The following PRKCA variants were observed in gnomAD, a reference collection of about 807,000 sequenced individuals.
PRKCA encodes the protein protein kinase C alpha type.
PRKCA carries 27 observed loss-of-function variants against 87.0 expected under a neutral mutation model. That is an observed-to-expected ratio of 0.31 (90% CI 0.23 to 0.43). The LOEUF (loss-of-function observed/expected upper bound fraction) is 0.43, where lower values mean the gene tolerates loss of function less well. Among genes scored for constraint, PRKCA ranks in the 20% least tolerant of loss-of-function variants. The pLI is 1.00. For synonymous variants in PRKCA, 329 were observed against 311.1 expected, an observed-to-expected ratio of 1.06 and a Z score of -0.61; for missense variants, 518 against 852.3, an observed-to-expected ratio of 0.61 and a Z score of 4.88.
intron 2 of PRKCA, among the ~76,000 whole-genome samples, chr17:66,351,124 C>T (rs1907718309): frequency 6.6e-6 from 1 of 152,200 alleles, no homozygotes; most frequent in Admixed American, 6.5e-5. Flanking sequence ...TCGTGTGGTG[C>T]TGAGCTTGGT....
intron 3 of PRKCA, among the ~76,000 whole-genome samples, chr17:66,516,337 G>GA (rs1277643764): frequency 6.6e-6 from 1 of 151,954 alleles, no homozygotes; most frequent in Non-Finnish European, 1.5e-5. Flanking sequence ...TGTTCAGTGT[G>GA]AAAAAAAGAA....
chr17:66,467,771 T>C (rs143471878), intron 2 of PRKCA, among the ~76,000 whole-genome samples: 4,676 of 152,070 alleles, frequency 0.031, 240 homozygotes, highest in African/African-American at 0.11. Flanking sequence ...TTGCTCAGGC[T>C]TGTCTTGAAC....
chr17:66,675,016 G>A (rs1163789293), intron 5 of PRKCA, among the ~76,000 whole-genome samples: 1 of 152,216 alleles, frequency 6.6e-6, no homozygotes, highest in Non-Finnish European at 1.5e-5. Flanking sequence ...CCTATCCAAA[G>A]GCAGATCCCA....
intron 2 of PRKCA, among the ~76,000 whole-genome samples, chr17:66,461,465 G>T (rs1076427): frequency 0.014 from 2,120 of 152,142 alleles, 55 homozygotes; most frequent in African/African-American, 0.049. Context: ...GAGTTGTGGT[G>T]AACAGTTTCA....
chr17:66,710,813 C>T (rs1025730315), intron 8 of PRKCA, among the ~76,000 whole-genome samples: 4 of 151,620 alleles, frequency 2.6e-5, no homozygotes, highest in African/African-American at 7.3e-5. Context: ...GTGGATCACC[C>T]GAGGTCAGGA....
intron 3 of PRKCA, among the ~76,000 whole-genome samples, chr17:66,540,209 A>C (rs1967933471): frequency 6.6e-6 from 1 of 152,220 alleles, no homozygotes; most frequent in African/African-American, 2.4e-5. Context: ...AAAACCTCAA[A>C]AATAAATACT....
chr17:66,430,477 A>G (rs1401996776), intron 2 of PRKCA, among the ~76,000 whole-genome samples: 1 of 151,920 alleles, frequency 6.6e-6, no homozygotes, highest in African/African-American at 2.4e-5. Flanking sequence ...GTGGTAAGCC[A>G]TCTGAGGCAT....
At chr17:66,587,205 G>A (rs11867563) in intron 3 of PRKCA, among the ~76,000 whole-genome samples, 31,782 of 151,940 alleles carry the variant, frequency 0.21, 3,528 homozygotes, top group African/African-American at 0.29. Flanking sequence ...CTAACACAAT[G>A]TTTTCTTAGG....
At chr17:66,413,018 A>T (rs886577997) in intron 2 of PRKCA, among the ~76,000 whole-genome samples, 1 of 152,028 alleles carries the variant, frequency 6.6e-6, no homozygotes, top group Non-Finnish European at 1.5e-5. Context: ...TCCAGCAGAC[A>T]CCAGCTGTGT....
intron 5 of PRKCA, among the ~76,000 whole-genome samples, chr17:66,669,427 A>G (rs1253537929): frequency 1.3e-5 from 2 of 152,192 alleles, no homozygotes; most frequent in African/African-American, 2.4e-5. Context: ...AGAATAATGA[A>G]AAATGGAAGA....
chr17:66,746,139 T>C (rs895522205), intron 13 of PRKCA, among the ~76,000 whole-genome samples: 8 of 150,884 alleles, frequency 5.3e-5, no homozygotes, highest in Admixed American at 5.3e-4. Context: ...TTGTTTCACC[T>C]TTTTTGTTGC....
intron 3 of PRKCA, among the ~76,000 whole-genome samples, chr17:66,552,941 T>A (rs1968384486): frequency 6.6e-6 from 1 of 152,096 alleles, no homozygotes; most frequent in Admixed American, 6.6e-5. Flanking sequence ...AACATCTAAA[T>A]CTAGACAGCT....
chr17:66,571,175 G>A (rs1969068681), intron 3 of PRKCA, among the ~76,000 whole-genome samples: 1 of 152,202 alleles, frequency 6.6e-6, no homozygotes, highest in African/African-American at 2.4e-5. Context: ...ACAGAATGGA[G>A]GAATTCTGGA....
chr17:66,492,947 C>A (rs1916307766), intron 2 of PRKCA, among the ~76,000 whole-genome samples: 1 of 152,246 alleles, frequency 6.6e-6, no homozygotes, highest in African/African-American at 2.4e-5. Flanking sequence ...GGCCAGCGTG[C>A]TGGGCAGCCA....
At chr17:66,623,032 G>GT (rs1252836756) in intron 3 of PRKCA, among the ~76,000 whole-genome samples, 3 of 152,210 alleles carry the variant, frequency 2.0e-5, no homozygotes, top group African/African-American at 7.2e-5. Context: ...TGCTTATTTA[G>GT]TTTTTTCTCC....
intron 13 of PRKCA, among the ~76,000 whole-genome samples, chr17:66,760,592 C>G (rs1974660780): frequency 1.3e-5 from 2 of 152,132 alleles, no homozygotes. Flanking sequence ...GGAAAGTCAA[C>G]AAACCCAAAA....
intron 5 of PRKCA, among the ~76,000 whole-genome samples, chr17:66,683,757 G>A (rs1014608766): frequency 3.9e-5 from 6 of 152,086 alleles, no homozygotes; most frequent in East Asian, 3.9e-4. Flanking sequence ...CCACCAGCAC[G>A]CCCGGCTTCT....
intron 16 of PRKCA, among the ~76,000 whole-genome samples, chr17:66,801,122 C>T (rs994850273): frequency 3.3e-5 from 5 of 152,342 alleles, no homozygotes; most frequent in East Asian, 1.9e-4. Flanking sequence ...CTCCATTCTC[C>T]GCTCTCACAT....
At chr17:66,504,420 C>T (rs1567863133) in intron 3 of PRKCA, among the ~76,000 whole-genome samples, 1 of 152,038 alleles carries the variant, frequency 6.6e-6, no homozygotes, top group Non-Finnish European at 1.5e-5. Flanking sequence ...TGGTGAAACC[C>T]CATCTCTACT....
Sources: gnomAD v4.1 joint callset for allele counts (sites outside exome capture counted in the v4.1 genomes callset) on GRCh38, gnomAD v4.1.1 for gene constraint, MANE v1.5 for transcripts, NCBI Gene and HGNC (gene_info 2026-07-23, HGNC 2026-07-21) for gene names.